DYNC1I1: variants seen among roughly 807,000 people sequenced by gnomAD.
DYNC1I1 encodes cytoplasmic dynein 1 intermediate chain 1.
A neutral mutation model predicts 86.6 loss-of-function variants in DYNC1I1; 43 were observed. The ratio of observed to expected loss-of-function variants is 0.50; its 90% CI spans 0.39 to 0.64. DYNC1I1 has a LOEUF of 0.64. DYNC1I1 is among the 30% of genes least tolerant of loss of function. DYNC1I1 has a pLI of 0.00. For missense variants in DYNC1I1, 604 were observed against 788.8 expected, an observed-to-expected ratio of 0.77 and a Z score of 2.81; for synonymous variants, 262 against 283.7, an observed-to-expected ratio of 0.92 and a Z score of 0.77.
At chr7:96,074,550 CAAAAAAAA>C (rs61571160) in intron 14 of DYNC1I1, among the ~76,000 whole-genome samples, 3 of 66,950 alleles carry the variant, frequency 4.5e-5, no homozygotes, top group Non-Finnish European at 6.2e-5. Flanking sequence ...GACTCCGTCT[CAAAAAAAA>C]AAAAAAAAAA....
intron 14 of DYNC1I1, among the ~76,000 whole-genome samples, chr7:96,062,992 G>T (rs1789829317): frequency 6.6e-6 from 1 of 152,012 alleles, no homozygotes; most frequent in African/African-American, 2.4e-5. Flanking sequence ...ATTTGTCCCG[G>T]TGGTATCAGG....
At chr7:95,837,104 T>C (rs961745222) in intron 5 of DYNC1I1, among the ~76,000 whole-genome samples, 1 of 150,298 alleles carries the variant, frequency 6.7e-6, no homozygotes, top group Non-Finnish European at 1.5e-5. Flanking sequence ...TGGTTTTATC[T>C]ACTTTTGGTC....
intron 5 of DYNC1I1, among the ~76,000 whole-genome samples, chr7:95,828,846 A>C (rs891501522): frequency 2.6e-5 from 4 of 152,092 alleles, no homozygotes; most frequent in African/African-American, 9.7e-5. Flanking sequence ...CACACAGGAG[A>C]TATTACTGGT....
chr7:96,023,005 C>T (rs1794591155), intron 10 of DYNC1I1, among the ~76,000 whole-genome samples: 1 of 152,102 alleles, frequency 6.6e-6, no homozygotes, highest in Non-Finnish European at 1.5e-5. Context: ...CCTGGTGCTA[C>T]ATGATTGCCT....
intron 6 of DYNC1I1, among the ~76,000 whole-genome samples, chr7:95,913,333 T>C (rs1002801342): frequency 2.0e-5 from 3 of 152,140 alleles, no homozygotes; most frequent in African/African-American, 7.2e-5. Flanking sequence ...GTGCCACACA[T>C]ATGAAAGAGA....
At chr7:95,896,230 G>A (rs1315845481) in intron 6 of DYNC1I1, among the ~76,000 whole-genome samples, 1 of 152,128 alleles carries the variant, frequency 6.6e-6, no homozygotes, top group Non-Finnish European at 1.5e-5. Context: ...AGAGCCCTGA[G>A]CCCTAAGCCC....
rs57664357 is a variant in DYNC1I1, at chr7:95,956,380, CTTTTT to C, written c.491-21120_491-21116del. On this transcript the variant is annotated intron_variant, in intron 6 of 16. Coordinates refer to ENST00000447467, the MANE Select transcript of DYNC1I1 (RefSeq NM_001135556.2). Reference sequence around the variant, plus strand: ...CTCAATAAGACCCTTCTTTTTTTCTCTTTTTTTTTTTTTTTTATTATACTTTAAGT... The same window carrying C: ...CTCAATAAGACCCTTCTTTTTTTCTCTTTTTTTTTTTATTATACTTTAAGT... Among the ~76,000 whole-genome samples the C allele has an allele frequency of 1.2e-3, 172 of 140,090 alleles. 1 individual carries two copies. Among genetic ancestry groups the C allele is most frequent in the African/African-American group, 4.2e-3 (164 of 38,860 alleles). The allele number at this position is 140,090 out of a possible 152,430, so 91.9% of individuals were successfully genotyped here. A position where few individuals can be genotyped will look rare whatever the true frequency, so the allele number is the denominator to read the frequency against.
chr7:96,027,382 C>T (rs543466990), intron 10 of DYNC1I1, among the ~76,000 whole-genome samples: 4 of 152,292 alleles, frequency 2.6e-5, no homozygotes, highest in Admixed American at 6.5e-5. Context: ...ACTTCTCTGA[C>T]TTTAAGTGCA....
In DYNC1I1 at chr7:95,880,353, T is replaced by C. The variant is rs553916595; in HGVS notation, c.490+10355T>C. ...CTTTACCACTCCACTCTACCCTGCA[T>C]ACTCCACCCCCAGAGGAGGTGGAAT... On this transcript the variant is annotated intron_variant, in intron 6 of 16. Coordinates refer to ENST00000447467, the MANE Select transcript of DYNC1I1 (RefSeq NM_001135556.2). 2.6e-5 allele frequency among the ~76,000 whole-genome samples: 4 copies of C among 152,246 alleles called. No individual in the cohort carries two copies. The South Asian group carries it at 8.3e-4, about 32-fold the overall frequency.
At chr7:96,047,223 A>G (rs1789244357) in intron 14 of DYNC1I1, among the ~76,000 whole-genome samples, 1 of 152,106 alleles carries the variant, frequency 6.6e-6, no homozygotes, top group Admixed American at 6.6e-5. Flanking sequence ...TAAAGTTCCC[A>G]CCTTTTAATA....
At chr7:95,785,131 A>G (rs1439311221) in intron 1 of DYNC1I1, among the ~76,000 whole-genome samples, 1 of 152,220 alleles carries the variant, frequency 6.6e-6, no homozygotes, top group Non-Finnish European at 1.5e-5. Context: ...GCCATTAAAA[A>G]CAAATAAGAG....
At chr7:96,008,394 G>A (rs1446352867) in intron 10 of DYNC1I1, among the ~76,000 whole-genome samples, 1 of 152,024 alleles carries the variant, frequency 6.6e-6, no homozygotes, top group Non-Finnish European at 1.5e-5. Flanking sequence ...AGGAGAGGTA[G>A]AGGAAGAAGA....
chr7:95,855,774 T>TA (rs558793136), intron 5 of DYNC1I1, among the ~76,000 whole-genome samples: 192 of 152,234 alleles, frequency 1.3e-3, no homozygotes, highest in South Asian at 5.4e-3. Flanking sequence ...ATGGAAAAGG[T>TA]ACAGTAAAAA....
Position 95,804,685 on chromosome 7 carries a change from A to T in DYNC1I1, c.-9-36A>T, listed in dbSNP as rs753778168. 11 of 1,521,234 alleles carry T rather than the reference A, an allele frequency of 7.2e-6. No homozygotes were observed. The African/African-American group carries it at 9.9e-5, about 14-fold the overall frequency. 94.2% of individuals were successfully genotyped at this position (1,521,234 alleles called of 1,614,324 possible). A position where few individuals can be genotyped will look rare whatever the true frequency, so the allele number is the denominator to read the frequency against. On this transcript the variant is annotated intron_variant, in intron 1 of 16. Transcript: ENST00000447467. ...GCAATGATATACAGAAAAGTTATTT[A>T]TATATATGTTCACTTTTTTTTTCTC... is the stretch of plus-strand genomic sequence containing the variant.
At chr7:95,941,635 T>G (rs149380529) in intron 6 of DYNC1I1, among the ~76,000 whole-genome samples, 141 of 152,348 alleles carry the variant, frequency 9.3e-4, no homozygotes, top group African/African-American at 3.0e-3. Context: ...CCTCGTGTGC[T>G]GTTTTTTAAG....
At chr7:96,105,531 T>TA (rs1791202525) in intron 16 of DYNC1I1, among the ~76,000 whole-genome samples, 2 of 152,182 alleles carry the variant, frequency 1.3e-5, no homozygotes, top group Non-Finnish European at 2.9e-5. Context: ...ATTAGTCTTT[T>TA]AACATATCAC....
chr7:96,061,011 T>C (rs1378511781), intron 14 of DYNC1I1, among the ~76,000 whole-genome samples: 1 of 151,714 alleles, frequency 6.6e-6, no homozygotes, highest in Non-Finnish European at 1.5e-5. Flanking sequence ...TGAGAGGGGA[T>C]TGTGGGGTGA....
intron 11 of DYNC1I1, among the ~76,000 whole-genome samples, 179 bp downstream of exon 11, chr7:96,028,500 A>T (rs1794734737): frequency 6.6e-6 from 1 of 152,180 alleles, no homozygotes; most frequent in Non-Finnish European, 1.5e-5. Flanking sequence ...CACTGGCTTT[A>T]GGGATGTCTC....
intron 9 of DYNC1I1, among the ~76,000 whole-genome samples, chr7:95,992,184 C>A (rs1185250292): frequency 2.0e-5 from 3 of 152,120 alleles, no homozygotes. Flanking sequence ...AACCTTGCTT[C>A]TGCCTCTGTC....
Sources: allele counts gnomAD v4.1 joint callset (sites outside exome capture counted in the v4.1 genomes callset), GRCh38; gene constraint gnomAD v4.1.1; transcripts MANE v1.5; gene names NCBI Gene and HGNC (gene_info 2026-07-23, HGNC 2026-07-21).